The following GLI3 variants were observed in gnomAD, a reference collection of about 807,000 sequenced individuals.
GLI3 encodes GLI family zinc finger 3, also known as transcription activator GLI3.
Under a neutral mutation model 100.8 loss-of-function variants are expected in GLI3, and 20 were observed. That is an observed-to-expected ratio of 0.20 (90% CI 0.14 to 0.29). The LOEUF (loss-of-function observed/expected upper bound fraction) is 0.29. GLI3 is among the 10% of genes least tolerant of loss of function. The pLI, the probability that GLI3 is intolerant of heterozygous loss-of-function variation, is 1.00. For synonymous variants in GLI3, 938 were observed against 860.5 expected (o/e 1.09, Z -1.58); for missense variants, 2,040 against 2,128.5 (o/e 0.96, Z 0.82).
chr7:42,139,330 G>A (rs1434059009), intron 3 of GLI3, among the ~76,000 whole-genome samples: 1 of 152,166 alleles, frequency 6.6e-6, no homozygotes, highest in African/African-American at 2.4e-5. Flanking sequence ...ACCTATTACA[G>A]AGCAGCTCAG....
At chr7:41,996,098 G>C (rs186036647) in intron 10 of GLI3, among the ~76,000 whole-genome samples, 1 of 152,342 alleles carries the variant, frequency 6.6e-6, no homozygotes, top group East Asian at 1.9e-4. Flanking sequence ...ACTTCATACA[G>C]TGGATGGAGA....
intron 10 of GLI3, among the ~76,000 whole-genome samples, chr7:41,985,754 A>G (rs961648204): frequency 3.9e-5 from 6 of 152,188 alleles, no homozygotes; most frequent in Non-Finnish European, 8.8e-5. Context: ...CATGATGTGG[A>G]TTATATTGGG....
intron 3 of GLI3, among the ~76,000 whole-genome samples, chr7:42,094,896 C>A (rs1197959576): frequency 6.6e-6 from 1 of 152,162 alleles, no homozygotes; most frequent in Non-Finnish European, 1.5e-5. Flanking sequence ...ACAAAGCCAC[C>A]CACAAGCACA....
chr7:42,069,221 T>C lies in GLI3; in HGVS notation c.473+7531A>G, dbSNP rs759332593. ...TATACACTATAATTAGGGCCTGCTT[T>C]CTCTGCAACTGAGGACCGAATTCAG... is the stretch of plus-strand genomic sequence containing the variant. On this transcript the variant is annotated intron_variant, in intron 4 of 14. Transcript: ENST00000395925. Among the ~76,000 whole-genome samples, 57 of 152,194 alleles carry C rather than the reference T, an allele frequency of 3.7e-4. 1 individual carries two copies. Among genetic ancestry groups the C allele is most frequent in the Non-Finnish European group, 1.3e-4 (9 of 68,032 alleles).
intron 2 of GLI3, among the ~76,000 whole-genome samples, chr7:42,200,643 T>C (rs1788019765): frequency 1.3e-5 from 2 of 152,180 alleles, no homozygotes; most frequent in African/African-American, 4.8e-5. Flanking sequence ...ACAGTTTTCT[T>C]GTGTCTGAAC....
rs121917709 is a variant in GLI3, at chr7:41,972,513, G to A, written c.1927C>T (p.Arg643Ter). ...GGCGGCCGAGGATGGATGTCCCCTC[G>A]CTGCTTCTTGGTGACATGAGCCTCT... ...GPEAHVTKKQRGDIHPRPPPP... is the reference protein window; with the variant it reads ...GPEAHVTKKQ The change falls in exon 13 of 15, where the codon CGA becomes TGA. Residue 643 changes from arginine to a stop codon, truncating the protein, a stop_gained. Coordinates refer to ENST00000395925, the MANE Select transcript of GLI3 (RefSeq NM_000168.6). LOFTEE classifies it high-confidence loss of function. The surrounding 1 kb of genome is among the most constrained non-coding windows in gnomAD (Gnocchi z 4.4). The A allele has an allele frequency of 1.2e-6, 2 of 1,613,154 alleles. No homozygotes were observed. The highest frequency in any genetic ancestry group is 2.2e-5 in the East Asian group (1 of 44,852).
At chr7:42,250,413 C>T (rs1210679764) in intron 1 of GLI3, among the ~76,000 whole-genome samples, 1 of 152,202 alleles carries the variant, frequency 6.6e-6, no homozygotes, top group Non-Finnish European at 1.5e-5. Context: ...ACTCATCTTG[C>T]TTCCAGGTAG....
rs1432278085 is a variant in GLI3, at chr7:41,961,297, G to T, written c.*3033C>A. The T allele has an allele frequency of 6.6e-6, 1 of 152,480 alleles. No individual in the cohort carries two copies. The highest frequency in any genetic ancestry group is 1.5e-5 in the Non-Finnish European group (1 of 68,038). 9.4% of individuals were successfully genotyped at this position (152,480 alleles called of 1,614,324 possible). On this transcript the variant is annotated 3_prime_UTR_variant, in exon 15 of 15. Coordinates refer to ENST00000395925, the MANE Select transcript of GLI3 (RefSeq NM_000168.6). ...TACACAAGGGTAACTTGTCAGAAGA[G>T]AACATCCTCCTATCAGTTCAAAACA...
chr7:42,205,926 T>C (rs1321920368), intron 2 of GLI3, among the ~76,000 whole-genome samples: 1 of 152,126 alleles, frequency 6.6e-6, no homozygotes. Flanking sequence ...CCACAGCCAA[T>C]ATAATTACAA....
At chr7:42,099,211 GA>G (rs1251701873) in intron 3 of GLI3, among the ~76,000 whole-genome samples, 1 of 152,140 alleles carries the variant, frequency 6.6e-6, no homozygotes, top group Non-Finnish European at 1.5e-5. Context: ...TGACATGTTT[GA>G]TCAGCTTAAG....
intron 13 of GLI3, among the ~76,000 whole-genome samples, chr7:41,971,404 C>T (rs1326820539): frequency 6.6e-6 from 1 of 152,172 alleles, no homozygotes; most frequent in Non-Finnish European, 1.5e-5. Flanking sequence ...TACGCATGGC[C>T]AGATGGGCTG....
At chr7:42,237,892 G>A (rs1788851001), upstream of GLI3, 1 of 148,860 alleles carries the variant, frequency 6.7e-6, no homozygotes, top group Admixed American at 6.7e-5. Flanking sequence ...GGCGGCGGCT[G>A]GGAGGCGGCG....
At chr7:42,153,724 GT>G (rs1484488455) in intron 2 of GLI3, among the ~76,000 whole-genome samples, 3 of 152,140 alleles carry the variant, frequency 2.0e-5, no homozygotes, top group Non-Finnish European at 2.9e-5. Context: ...ATAAAGTCAC[GT>G]TCAAATGAAT....
intron 3 of GLI3, among the ~76,000 whole-genome samples, chr7:42,102,268 A>G (rs902081182): frequency 6.6e-6 from 1 of 152,148 alleles, no homozygotes; most frequent in Admixed American, 6.5e-5. Context: ...TTTTTTAAAA[A>G]ATCCATGAGC....
At chr7:42,171,287 TC>T (rs1186249807) in intron 2 of GLI3, among the ~76,000 whole-genome samples, 1 of 152,222 alleles carries the variant, frequency 6.6e-6, no homozygotes, top group Non-Finnish European at 1.5e-5. Flanking sequence ...TAACACTTCT[TC>T]CCAAGTGAAA....
chr7:42,224,266 A>T (rs898725984), intron 1 of GLI3, among the ~76,000 whole-genome samples: 2 of 152,250 alleles, frequency 1.3e-5, no homozygotes, highest in Non-Finnish European at 2.9e-5. Context: ...AGGTCTGGCC[A>T]TCTTGCTTAT....
chr7:41,963,660 C>G lies in GLI3; in HGVS notation c.*670G>C, dbSNP rs755844016. 6.6e-6 allele frequency: 1 copy of G among 152,372 alleles called. No homozygotes were observed. The highest frequency in any genetic ancestry group is 1.5e-5 in the Non-Finnish European group (1 of 68,222). The allele number at this position is 152,372 out of a possible 1,614,324, so 9.4% of individuals were successfully genotyped here. ...AAGAGCTGAAAACCAAAACTGTGAG[C>G]GCCCATTTCATTTATAAGAGCCCCA... On this transcript the variant is annotated 3_prime_UTR_variant, in exon 15 of 15. Transcript: ENST00000395925.
chr7:42,230,818 C>T (rs1002381094), intron 1 of GLI3, among the ~76,000 whole-genome samples: 2 of 152,172 alleles, frequency 1.3e-5, no homozygotes, highest in Non-Finnish European at 2.9e-5. Context: ...CAATAATGTG[C>T]AGCACACTGG....
intron 1 of GLI3, among the ~76,000 whole-genome samples, chr7:42,254,690 AT>A (rs1429111126): frequency 6.6e-6 from 1 of 152,010 alleles, no homozygotes; most frequent in Non-Finnish European, 1.5e-5. Flanking sequence ...TAAAATCCAA[AT>A]TTTTTTCTGT....
Sources: gnomAD v4.1 joint callset for allele counts (sites outside exome capture counted in the v4.1 genomes callset) on GRCh38, gnomAD v4.1.1 for gene constraint, Gnocchi (gnomAD v3.1) non-coding constraint, MANE v1.5 for transcripts, NCBI Gene and HGNC (gene_info 2026-07-23, HGNC 2026-07-21) for gene names.